SIAH3: variants seen among roughly 807,000 people sequenced by gnomAD.
The protein encoded by SIAH3 is siah E3 ubiquitin protein ligase family member 3.
A neutral mutation model predicts 12.6 loss-of-function variants in SIAH3; 9 were observed. That is an observed-to-expected ratio of 0.72 (90% CI 0.43 to 1.25). The LOEUF (loss-of-function observed/expected upper bound fraction) is 1.25, where lower values mean the gene tolerates loss of function less well. SIAH3 is among the 50% of genes most tolerant of loss of function. The pLI, the probability that SIAH3 is intolerant of heterozygous loss-of-function variation, is 0.00. For synonymous variants in SIAH3, 154 were observed against 151.1 expected, an observed-to-expected ratio of 1.02 and a Z score of -0.14; for missense variants, 390 against 365.4, an observed-to-expected ratio of 1.07 and a Z score of -0.55.
Position 45,851,747 on chromosome 13 carries a change from C to T in SIAH3, c.-118G>A. 1 of 1,220,606 alleles carries T rather than the reference C, an allele frequency of 8.2e-7. No individual in the cohort carries two copies. Among genetic ancestry groups the T allele is most frequent in the Non-Finnish European group, 1.2e-6 (1 of 864,654 alleles). The allele number at this position is 1,220,606 out of a possible 1,614,324, so 75.6% of individuals were successfully genotyped here. A position where few individuals can be genotyped will look rare whatever the true frequency, so the allele number is the denominator to read the frequency against. Reference sequence around the variant, plus strand: ...GCTCCAGCCCGGCTTAGCGCGCCTTCATATTCATCATCAAAATAAGACGGT... The same window carrying T: ...GCTCCAGCCCGGCTTAGCGCGCCTTTATATTCATCATCAAAATAAGACGGT... On this transcript the variant is annotated 5_prime_UTR_variant, in exon 1 of 2. The change abolishes an upstream ATG in the 5' untranslated region. Coordinates refer to ENST00000400405, the MANE Select transcript of SIAH3 (RefSeq NM_198849.3).
intron 1 of SIAH3, among the ~76,000 whole-genome samples, chr13:45,820,676 G>A (rs1383132164): frequency 6.6e-6 from 1 of 151,968 alleles, no homozygotes; most frequent in African/African-American, 2.4e-5. Context: ...ACCAGCCTCC[G>A]AAATCCCCTC....
Position 45,839,803 on chromosome 13 carries a change from G to T in SIAH3, c.135+11692C>A, listed in dbSNP as rs139639160. Among the ~76,000 whole-genome samples, 698 of 152,304 alleles carry T rather than the reference G, an allele frequency of 4.6e-3. 9 individuals are homozygous for T. Among genetic ancestry groups the T allele is most frequent in the African/African-American group, 0.016 (661 of 41,560 alleles). On this transcript the variant is annotated intron_variant, in intron 1 of 1. Coordinates refer to ENST00000400405, the MANE Select transcript of SIAH3 (RefSeq NM_198849.3). Reference sequence around the variant, plus strand: ...GCTGAGATCGCACCACTGCACTCCAGCCTGGGCAACAGAGTGAGACTCTGT... The same window carrying T: ...GCTGAGATCGCACCACTGCACTCCATCCTGGGCAACAGAGTGAGACTCTGT...
At chr13:45,789,135 ATAAGT>A (rs950658957) in intron 1 of SIAH3, among the ~76,000 whole-genome samples, 5 of 152,212 alleles carry the variant, frequency 3.3e-5, no homozygotes, top group African/African-American at 1.2e-4. Context: ...CAGGTAAGAA[ATAAGT>A]TAAGCCAAGA....
At chr13:45,793,102 T>C (rs755316103) in intron 1 of SIAH3, among the ~76,000 whole-genome samples, 16 of 152,216 alleles carry the variant, frequency 1.1e-4, no homozygotes, top group Non-Finnish European at 1.8e-4. Context: ...TGTCCAGAGA[T>C]TGTCCCGCCA....
In SIAH3 at chr13:45,780,850, T is replaced by C. The variant is rs539295108; in HGVS notation, c.*2533A>G. On this transcript the variant is annotated 3_prime_UTR_variant, in exon 2 of 2. Transcript: ENST00000400405. ...TATTCTGTTAGTATATTGAGGATAC[T>C]AATGAGGATTAACCTGAGACTCAAA... The C allele has an allele frequency of 6.6e-6, 1 of 152,356 alleles. No homozygotes were observed. Among genetic ancestry groups the C allele is most frequent in the Non-Finnish European group, 1.5e-5 (1 of 68,032 alleles). The allele number at this position is 152,356 out of a possible 1,614,324, so 9.4% of individuals were successfully genotyped here.
At chr13:45,826,393 A>T (rs143840098) in intron 1 of SIAH3, among the ~76,000 whole-genome samples, 15,759 of 32,142 alleles carry the variant, frequency 0.49, 6,549 homozygotes, top group Middle Eastern at 0.71. Context: ...GGATGGATGG[A>T]TGGATGGATG....
At chr13:45,833,221 A>G (rs138355374) in intron 1 of SIAH3, among the ~76,000 whole-genome samples, 2 of 152,340 alleles carry the variant, frequency 1.3e-5, no homozygotes, top group African/African-American at 4.8e-5. Flanking sequence ...CTCAATAAAT[A>G]AACACTTGAA....
Position 45,783,269 on chromosome 13 carries a change from T to TAAAA in SIAH3, c.*113_*114insTTTT. 3.1e-6 allele frequency: 2 copies of TAAAA among 646,770 alleles called. No individual in the cohort carries two copies. Among genetic ancestry groups the TAAAA allele is most frequent in the African/African-American group, 4.4e-5 (2 of 45,970 alleles). The allele number at this position is 646,770 out of a possible 1,614,324, so 40.1% of individuals were successfully genotyped here. A position where few individuals can be genotyped will look rare whatever the true frequency, so the allele number is the denominator to read the frequency against. On this transcript the variant is annotated 3_prime_UTR_variant, in exon 2 of 2. Transcript: ENST00000400405. ...ACAAAAAAATAATAATAATTAAAAATTAAAAAAAAAAAAAAGAAAGGAGAA... is the reference window on the plus strand; with the variant it reads ...ACAAAAAAATAATAATAATTAAAAATAAAATAAAAAAAAAAAAAAGAAAGGAGAA...
At chr13:45,822,223 T>G (rs1950658439) in intron 1 of SIAH3, among the ~76,000 whole-genome samples, 1 of 152,150 alleles carries the variant, frequency 6.6e-6, no homozygotes, top group African/African-American at 2.4e-5. Flanking sequence ...CTGCCATGAT[T>G]CAGGAACAGA....
chr13:45,786,171 C>T (rs985675656), intron 1 of SIAH3, among the ~76,000 whole-genome samples: 5 of 152,148 alleles, frequency 3.3e-5, no homozygotes, highest in Non-Finnish European at 7.4e-5. Flanking sequence ...CCACACCTTC[C>T]ATCAGCCAGG....
chr13:45,784,499 T>C (rs982163549), intron 1 of SIAH3, among the ~76,000 whole-genome samples: 4 of 151,866 alleles, frequency 2.6e-5, no homozygotes, highest in Non-Finnish European at 4.4e-5. Context: ...GTCATAGTTA[T>C]TAATTTTAGA....
In SIAH3 at chr13:45,777,413, T is replaced by C. The variant is rs1011934583; in HGVS notation, c.*5970A>G. 2.0e-5 allele frequency: 3 copies of C among 152,224 alleles called. No individual in the cohort carries two copies. Among genetic ancestry groups the C allele is most frequent in the African/African-American group, 7.2e-5 (3 of 41,450 alleles). The allele number at this position is 152,224 out of a possible 1,614,324, so 9.4% of individuals were successfully genotyped here. A position where few individuals can be genotyped will look rare whatever the true frequency, so the allele number is the denominator to read the frequency against. On this transcript the variant is annotated 3_prime_UTR_variant, in exon 2 of 2. Transcript: ENST00000400405. ...AAATGCTTCTCAATTTCCTTTCTCT[T>C]TCTTATCTCAATACCCTAAAAAAAA...
intron 1 of SIAH3, among the ~76,000 whole-genome samples, chr13:45,841,129 A>G (rs1950738702): frequency 6.6e-6 from 1 of 152,234 alleles, no homozygotes; most frequent in South Asian, 2.1e-4. Context: ...GTCATTATAC[A>G]TCCCTAAAGT....
chr13:45,847,478 C>T (rs1950764195), intron 1 of SIAH3, among the ~76,000 whole-genome samples: 1 of 152,184 alleles, frequency 6.6e-6, no homozygotes, highest in African/African-American at 2.4e-5. Flanking sequence ...ACTCAATACA[C>T]ATTTATCCAC....
Position 45,781,386 on chromosome 13 carries a change from T to C in SIAH3, c.*1997A>G, listed in dbSNP as rs1269632686. 6.6e-6 allele frequency: 1 copy of C among 152,038 alleles called. No homozygotes were observed. Among genetic ancestry groups the C allele is most frequent in the Non-Finnish European group, 1.5e-5 (1 of 68,034 alleles). The allele number at this position is 152,038 out of a possible 1,614,324, so 9.4% of individuals were successfully genotyped here. A position where few individuals can be genotyped will look rare whatever the true frequency, so the allele number is the denominator to read the frequency against. ...GGGGTCTTAGGTTCTGGGAAGGGGATTGGGGATGCAGTGAGGAGGAAGACA... is the reference window on the plus strand; with the variant it reads ...GGGGTCTTAGGTTCTGGGAAGGGGACTGGGGATGCAGTGAGGAGGAAGACA... On this transcript the variant is annotated 3_prime_UTR_variant, in exon 2 of 2. Coordinates refer to ENST00000400405, the MANE Select transcript of SIAH3 (RefSeq NM_198849.3).
chr13:45,792,182 G>A (rs536416753), intron 1 of SIAH3, among the ~76,000 whole-genome samples: 2 of 152,052 alleles, frequency 1.3e-5, no homozygotes, highest in Non-Finnish European at 2.9e-5. Context: ...GTGAGGTATG[G>A]CCAATGGGTG....
At chr13:45,792,962 G>A (rs946316996) in intron 1 of SIAH3, among the ~76,000 whole-genome samples, 3 of 151,182 alleles carry the variant, frequency 2.0e-5, no homozygotes, top group African/African-American at 7.4e-5. Context: ...TTTCATATCC[G>A]TAATTGGCAA....
At chr13:45,814,457 G>A (rs1227730399) in intron 1 of SIAH3, among the ~76,000 whole-genome samples, 3 of 152,030 alleles carry the variant, frequency 2.0e-5, no homozygotes, top group Non-Finnish European at 2.9e-5. Context: ...GGGGAATCAT[G>A]GAAGGCTTCT....
In SIAH3 at chr13:45,779,119, G is replaced by A. The variant is rs920897167; in HGVS notation, c.*4264C>T. On this transcript the variant is annotated 3_prime_UTR_variant, in exon 2 of 2. Coordinates refer to ENST00000400405, the MANE Select transcript of SIAH3 (RefSeq NM_198849.3). ...GACGTCACTAAATGTGGAGCTGGAA[G>A]ATGCGGTGCAGCACATTATTATATA... 2 of 152,330 alleles carry A rather than the reference G, an allele frequency of 1.3e-5. No homozygotes were observed. The highest frequency in any genetic ancestry group is 6.5e-5 in the Admixed American group (1 of 15,310). The allele number at this position is 152,330 out of a possible 1,614,324, so 9.4% of individuals were successfully genotyped here.
Sources: gnomAD v4.1 joint callset for allele counts (sites outside exome capture counted in the v4.1 genomes callset) on GRCh38, gnomAD v4.1.1 for gene constraint, MANE v1.5 for transcripts, NCBI Gene and HGNC (gene_info 2026-07-23, HGNC 2026-07-21) for gene names.